PCDHGB7: variants seen among roughly 807,000 people sequenced by gnomAD.
PCDHGB7 encodes the protein protocadherin gamma-B7.
A neutral mutation model predicts 61.4 loss-of-function variants in PCDHGB7; 37 were observed. The observed-to-expected ratio is 0.60, with a 90% CI of 0.46 to 0.79. PCDHGB7 has a LOEUF of 0.79. Ranked by LOEUF, PCDHGB7 falls within the 30% of genes least tolerant of loss-of-function variation. The probability of loss-of-function intolerance (pLI) is 0.00; values close to 1 mark genes in which losing one functional copy is unlikely to be tolerated. For missense variants in PCDHGB7, 1,166 were observed against 1,202.5 expected, an observed-to-expected ratio of 0.97 and a Z score of 0.45; for synonymous variants, 464 against 503.5, an observed-to-expected ratio of 0.92 and a Z score of 1.05.
At chr5:141,467,055 C>CTTTTTTTTTTT (rs1193465269) in intron 1 of PCDHGB7, among the ~76,000 whole-genome samples, 1 of 134,498 alleles carries the variant, frequency 7.4e-6, no homozygotes, top group Non-Finnish European at 1.6e-5. Context: ...TCAATGTTTT[C>CTTTTTTTTTTT]TTTTTTTTTT....
chr5:141,425,127 A>G (rs1353123394), intron 1 of PCDHGB7, among the ~76,000 whole-genome samples: 2 of 152,208 alleles, frequency 1.3e-5, no homozygotes, highest in Non-Finnish European at 2.9e-5. Flanking sequence ...CTTGAAGTCA[A>G]GAAAAATGTT....
rs1439461935 is a variant in PCDHGB7 at position 141,511,976 on chromosome 5, G to A, written c.*803G>A. ...ATAAGGAAGGGAAGTGTGTGGATGT[G>A]GATGGTGGGGGCATGGACAAAGCTT... is the stretch of plus-strand genomic sequence containing the variant. On this transcript the variant is annotated 3_prime_UTR_variant, in exon 4 of 4. Coordinates refer to ENST00000398594, the MANE Select transcript of PCDHGB7 (RefSeq NM_018927.4). 6.5e-6 allele frequency: 1 copy of A among 153,384 alleles called. No homozygotes were observed. Among genetic ancestry groups the A allele is most frequent in the Non-Finnish European group, 1.5e-5 (1 of 68,664 alleles). 9.5% of individuals were successfully genotyped at this position (153,384 alleles called of 1,614,324 possible).
chr5:141,418,485 A>T lies in PCDHGB7; in HGVS notation c.626A>T (p.His209Leu). 6.2e-7 allele frequency: 1 copy of T among 1,614,028 alleles called. No individual in the cohort carries two copies. Among genetic ancestry groups the T allele is most frequent in the Non-Finnish European group, 8.5e-7 (1 of 1,179,902 alleles). ...GACCGAGAAACGCAGAGCGCTCACC[A>T]CTTGGTACTGACCGCCTTAGATGGT... ...TLDRETQSAH[H>L]LVLTALDGGD... The change falls in exon 1 of 4, where the codon CAC becomes CTC. Residue 209 changes from histidine to leucine, a missense_variant. Physicochemically the swap from His to Leu is moderately conservative, Grantham distance 99. Transcript: ENST00000398594.
rs188066304 is a variant in PCDHGB7, at chr5:141,450,907, C to T, written c.2415+30633C>T. On this transcript the variant is annotated intron_variant, in intron 1 of 3. Coordinates refer to ENST00000398594, the MANE Select transcript of PCDHGB7 (RefSeq NM_018927.4). ...TGGTGCGATATCGGCTCACTGCAAC[C>T]GCTGCCTCCCAGATTCAAGCAATTC... is the stretch of plus-strand genomic sequence containing the variant. 6.7e-3 allele frequency among the ~76,000 whole-genome samples: 1,004 copies of T among 150,024 alleles called. 12 individuals carry two copies. The highest frequency in any genetic ancestry group is 0.024 in the African/African-American group (970 of 40,702).
intron 1 of PCDHGB7, among the ~76,000 whole-genome samples, chr5:141,472,611 G>T (rs1055885253): frequency 1.3e-5 from 2 of 151,938 alleles, no homozygotes; most frequent in South Asian, 4.1e-4. Context: ...ATAAAACAAA[G>T]AAGAAAAAAG....
chr5:141,471,790 C>T (rs1465283136), intron 1 of PCDHGB7, among the ~76,000 whole-genome samples: 1 of 152,068 alleles, frequency 6.6e-6, no homozygotes, highest in Non-Finnish European at 1.5e-5. Context: ...TATGCTATGT[C>T]ATATAAAAGA....
At chr5:141,423,563 C>G (rs745802952) in intron 1 of PCDHGB7, 3 of 1,613,550 alleles carry the variant, frequency 1.9e-6, no homozygotes, top group Admixed American at 1.7e-5. Flanking sequence ...TATGGGGACA[C>G]GCTCATCAGC....
At chr5:141,447,623 C>G (rs940221130) in intron 1 of PCDHGB7, among the ~76,000 whole-genome samples, 1 of 152,042 alleles carries the variant, frequency 6.6e-6, no homozygotes, top group African/African-American at 2.4e-5. Flanking sequence ...AAAGTTGAAA[C>G]CAACAGTATG....
chr5:141,487,237 T>G lies in PCDHGB7; in HGVS notation c.2416-7570T>G, dbSNP rs1327004790. ...CAGCTCCAAGGGAAGGAGAATCTCGTCTAACCCTCTACTTGGCTGTGTCCC... is the reference window on the plus strand; with the variant it reads ...CAGCTCCAAGGGAAGGAGAATCTCGGCTAACCCTCTACTTGGCTGTGTCCC... On this transcript the variant is annotated intron_variant, in intron 1 of 3. Transcript: ENST00000398594. This position sits in a 1 kb window ranked among gnomAD's most constrained non-coding sequence, Gnocchi z 5.0. 1.2e-6 allele frequency: 2 copies of G among 1,614,004 alleles called. No individual in the cohort carries two copies. The highest frequency in any genetic ancestry group is 1.7e-6 in the Non-Finnish European group (2 of 1,179,988).
chr5:141,427,046 C>A (rs916723344), intron 1 of PCDHGB7: 6 of 457,244 alleles, frequency 1.3e-5, no homozygotes, highest in African/African-American at 2.0e-5. Flanking sequence ...AGAATGTGCC[C>A]CCAGGCACCT....
chr5:141,495,702 T>C (rs1462896403), intron 2 of PCDHGB7, among the ~76,000 whole-genome samples: 3 of 152,212 alleles, frequency 2.0e-5, no homozygotes, highest in Non-Finnish European at 4.4e-5. Context: ...TCAATAAATG[T>C]GGAGTGAGTA....
chr5:141,490,205 C>A lies in PCDHGB7; in HGVS notation c.2416-4602C>A. 1 of 1,614,168 alleles carries A rather than the reference C, an allele frequency of 6.2e-7. No individual in the cohort carries two copies. The highest frequency in any genetic ancestry group is 8.5e-7 in the Non-Finnish European group (1 of 1,180,004). ...CGTTTCTATGAAATTCATGCAAGAG[C>A]CCGTGACCAGGGACAGCCTGCCATG... On this transcript the variant is annotated intron_variant, in intron 1 of 3. Transcript: ENST00000398594. This position sits in a 1 kb window ranked among gnomAD's most constrained non-coding sequence, Gnocchi z 5.4.
intron 1 of PCDHGB7, among the ~76,000 whole-genome samples, chr5:141,483,272 A>T (rs545719861): frequency 4.4e-4 from 67 of 152,196 alleles, no homozygotes; most frequent in African/African-American, 1.4e-3. Flanking sequence ...TGTTTTAGAA[A>T]TATTATTCTG....
chr5:141,481,183 G>A (rs2099533234), intron 1 of PCDHGB7, among the ~76,000 whole-genome samples: 1 of 152,146 alleles, frequency 6.6e-6, no homozygotes, highest in African/African-American at 2.4e-5. Flanking sequence ...GCTTTATTGG[G>A]CCAGGCCCAA....
intron 1 of PCDHGB7, among the ~76,000 whole-genome samples, chr5:141,451,611 G>C (rs1004906441): frequency 6.6e-6 from 1 of 152,166 alleles, no homozygotes; most frequent in Admixed American, 6.5e-5. Context: ...GCTAGGCATG[G>C]TGGCTCAAAC....
chr5:141,483,648 TTGTG>T (rs111458813), intron 1 of PCDHGB7, among the ~76,000 whole-genome samples: 10 of 149,592 alleles, frequency 6.7e-5, no homozygotes, highest in Non-Finnish European at 1.0e-4. Flanking sequence ...GGGTGTGTGT[TTGTG>T]TGTGTGTGTG....
Position 141,489,084 on chromosome 5 carries a change from C to T in PCDHGB7, c.2416-5723C>T, listed in dbSNP as rs1232276875. On this transcript the variant is annotated intron_variant, in intron 1 of 3. Transcript: ENST00000398594. This position sits in a 1 kb window ranked among gnomAD's most constrained non-coding sequence, Gnocchi z 4.5. ...CTCCCCCCTGCCCACCCCCGCCACTCGGTGACTAAGAACTGCTGCAAGCAG... is the reference window on the plus strand; with the variant it reads ...CTCCCCCCTGCCCACCCCCGCCACTTGGTGACTAAGAACTGCTGCAAGCAG... The T allele has an allele frequency of 1.5e-5, 5 of 329,072 alleles. No homozygotes were observed. Among genetic ancestry groups the T allele is most frequent in the South Asian group, 1.3e-4 (2 of 15,846 alleles). The allele number at this position is 329,072 out of a possible 1,614,324, so 20.4% of individuals were successfully genotyped here. A position where few individuals can be genotyped will look rare whatever the true frequency, so the allele number is the denominator to read the frequency against.
At chr5:141,422,111 T>A (rs763658255) in intron 1 of PCDHGB7, 1 of 1,606,408 alleles carries the variant, frequency 6.2e-7, no homozygotes, top group Admixed American at 1.7e-5. Context: ...ATATTCCAAT[T>A]GGATTCACAA....
At chr5:141,467,348 C>T (rs1182432500) in intron 1 of PCDHGB7, among the ~76,000 whole-genome samples, 5 of 152,142 alleles carry the variant, frequency 3.3e-5, no homozygotes, top group African/African-American at 9.7e-5. Context: ...CCACTGCCCC[C>T]GGCCAAATCA....
Sources: gnomAD v4.1 joint callset for allele counts (sites outside exome capture counted in the v4.1 genomes callset) on GRCh38, gnomAD v4.1.1 for gene constraint, Gnocchi (gnomAD v3.1) non-coding constraint, MANE v1.5 for transcripts, NCBI Gene and HGNC (gene_info 2026-07-23, HGNC 2026-07-21) for gene names.